Variants in BRD1 observed in about 807,000 individuals in gnomAD.
BRD1 encodes the protein bromodomain-containing protein 1.
Under a neutral mutation model 107.7 loss-of-function variants are expected in BRD1, and 24 were observed. That is an observed-to-expected ratio of 0.22 (90% confidence interval 0.16 to 0.31). The LOEUF (loss-of-function observed/expected upper bound fraction) is 0.31. Ranked by LOEUF, BRD1 falls within the 10% of genes least tolerant of loss-of-function variation. BRD1 has a pLI of 1.00. For synonymous variants in BRD1, 744 were observed against 686.1 expected (o/e 1.08, Z -1.32); for missense variants, 1,279 against 1,638.6 (o/e 0.78, Z 3.79).
Position 49,797,974 on chromosome 22 carries a change from G to T in BRD1, c.1929C>A (p.Ala643=). The change falls in exon 6 of 13, where the codon GCC becomes GCA. Residue 643 remains alanine, a synonymous_variant. Transcript: ENST00000404760. ...LIIDNCMKYN[A]RDTVFYRAAV... Reference sequence around the variant, plus strand: ...CGGCTCTATAGAACACGGTGTCCCTGGCATTGTACTTCATGCAGTTATCTA... The same window carrying T: ...CGGCTCTATAGAACACGGTGTCCCTTGCATTGTACTTCATGCAGTTATCTA... 1.2e-6 allele frequency: 2 copies of T among 1,614,186 alleles called. No homozygotes were observed. The highest frequency in any genetic ancestry group is 1.7e-6 in the Non-Finnish European group (2 of 1,180,030).
intron 2 of BRD1, among the ~76,000 whole-genome samples, chr22:49,804,678 G>A (rs568596788): frequency 2.0e-4 from 31 of 152,124 alleles, no homozygotes; most frequent in Non-Finnish European, 3.2e-4. Flanking sequence ...GTGAAACCCC[G>A]TCTCTACCAA....
chr22:49,811,088 CA>C (rs2059840782), intron 2 of BRD1, among the ~76,000 whole-genome samples: 1 of 152,104 alleles, frequency 6.6e-6, no homozygotes, highest in African/African-American at 2.4e-5. Context: ...CACACCGACC[CA>C]GGGGGCACGA....
intron 7 of BRD1, among the ~76,000 whole-genome samples, chr22:49,789,039 C>T (rs1601638045): frequency 6.6e-6 from 1 of 152,198 alleles, no homozygotes; most frequent in African/African-American, 2.4e-5. Context: ...GCCATGACGC[C>T]GGGCAGCAGT....
At chr22:49,813,571 G>A (rs1013753694) in intron 2 of BRD1, among the ~76,000 whole-genome samples, 1 of 149,952 alleles carries the variant, frequency 6.7e-6, no homozygotes, top group Non-Finnish European at 1.5e-5. Flanking sequence ...AATGGCTCAT[G>A]CCTATAATCC....
intron 2 of BRD1, chr22:49,806,950 A>G (rs1043616060): frequency 6.6e-6 from 1 of 151,708 alleles, no homozygotes; most frequent in African/African-American, 2.4e-5. Context: ...ATGAGCCAAG[A>G]TCGCACCATT....
intron 1 of BRD1, among the ~76,000 whole-genome samples, chr22:49,827,132 G>C (rs1367933906): frequency 6.6e-6 from 1 of 151,394 alleles, no homozygotes; most frequent in Non-Finnish European, 1.5e-5. Context: ...GCGGCTGCCC[G>C]AGGCCCGACC....
chr22:49,793,378 G>T (rs766853043), intron 7 of BRD1, among the ~76,000 whole-genome samples: 1 of 152,096 alleles, frequency 6.6e-6, no homozygotes, highest in Non-Finnish European at 1.5e-5. Flanking sequence ...CTAGATAGGC[G>T]GATTTCTTCT....
intron 7 of BRD1, among the ~76,000 whole-genome samples, chr22:49,793,748 T>C (rs892396028): frequency 1.8e-4 from 27 of 152,246 alleles, no homozygotes; most frequent in African/African-American, 6.3e-4. Flanking sequence ...TCAAATAGTT[T>C]CTCAGGCCCA....
intron 6 of BRD1, among the ~76,000 whole-genome samples, chr22:49,795,921 T>G (rs1344464840): frequency 6.6e-6 from 1 of 152,174 alleles, no homozygotes; most frequent in Non-Finnish European, 1.5e-5. Context: ...GCTGGTCTGA[T>G]CAGCCTGGAG....
intron 2 of BRD1, among the ~76,000 whole-genome samples, chr22:49,815,548 G>T (rs1197286556): frequency 8.2e-6 from 1 of 121,976 alleles, no homozygotes; most frequent in Non-Finnish European, 1.5e-5. Context: ...ATCTCAAAAA[G>T]AAGAAAAAAA....
At chr22:49,800,839 G>A (rs1462244995) in intron 3 of BRD1, among the ~76,000 whole-genome samples, 1 of 152,260 alleles carries the variant, frequency 6.6e-6, no homozygotes, top group Non-Finnish European at 1.5e-5. Context: ...CCCCACTGCC[G>A]GGAAGAAGCT....
intron 6 of BRD1, among the ~76,000 whole-genome samples, chr22:49,795,946 G>C (rs1392746357): frequency 6.6e-6 from 1 of 152,236 alleles, no homozygotes; most frequent in Non-Finnish European, 1.5e-5. Flanking sequence ...CAGCTTCAGA[G>C]AGGGGTTAAA....
chr22:49,811,384 G>T (rs778388281), intron 2 of BRD1, among the ~76,000 whole-genome samples: 1 of 152,118 alleles, frequency 6.6e-6, no homozygotes, highest in Non-Finnish European at 1.5e-5. Flanking sequence ...CACTTCACAT[G>T]GGTAAATTTC....
chr22:49,786,471 G>A (rs940502196), intron 8 of BRD1, among the ~76,000 whole-genome samples: 1 of 152,226 alleles, frequency 6.6e-6, no homozygotes. Flanking sequence ...TTACAAAAGC[G>A]CAGCAAGAGA....
chr22:49,777,530 A>G (rs1248986706), intron 9 of BRD1, 148 bp downstream of exon 9: 2 of 1,109,590 alleles, frequency 1.8e-6, no homozygotes, highest in African/African-American at 1.6e-5. Flanking sequence ...GAAACTGTCC[A>G]CAAGGGCAGA....
At chr22:49,779,673 T>C (rs1382710092) in intron 8 of BRD1, among the ~76,000 whole-genome samples, 1 of 151,980 alleles carries the variant, frequency 6.6e-6, no homozygotes, top group Non-Finnish European at 1.5e-5. Flanking sequence ...CCCATACTCA[T>C]CACAGAGTGG....
chr22:49,819,218 C>T (rs537481432), intron 2 of BRD1, among the ~76,000 whole-genome samples: 1 of 152,122 alleles, frequency 6.6e-6, no homozygotes, highest in Non-Finnish European at 1.5e-5. Context: ...CGAGATTATG[C>T]CATTGCACTC....
chr22:49,787,414 ACTC>A lies in BRD1; in HGVS notation c.2830_2832del (p.Glu944del), dbSNP rs2059351293. 6.3e-6 allele frequency: 10 copies of A among 1,578,634 alleles called. No individual in the cohort carries two copies. Among genetic ancestry groups the A allele is most frequent in the South Asian group, 1.1e-5 (1 of 90,606 alleles). ...CCTGCGTCCAGGCGCTTTCCTGGGG[ACTC>A]CTCCTCCACCTCGGAGTCTCCGCAT... On this transcript the variant is annotated inframe_deletion, in exon 8 of 13. Transcript: ENST00000404760.
chr22:49,824,856 C>A lies in BRD1; in HGVS notation c.-14-525G>T. ...CCCACTACTCCCAGGAGAGCACTCCCATGAGCCCAGAGTCACCACAGTCCT... is the reference window on the plus strand; with the variant it reads ...CCCACTACTCCCAGGAGAGCACTCCAATGAGCCCAGAGTCACCACAGTCCT... On this transcript the variant is annotated intron_variant, in intron 1 of 12. Transcript: ENST00000404760. The surrounding 1 kb of genome is among the most constrained non-coding windows in gnomAD (Gnocchi z 5.9). 2 of 998,748 alleles carry A rather than the reference C, an allele frequency of 2.0e-6. 1 individual carries two copies. 61.9% of individuals were successfully genotyped at this position (998,748 alleles called of 1,614,324 possible).
Sources: gnomAD v4.1 joint callset for allele counts (sites outside exome capture counted in the v4.1 genomes callset) on GRCh38, gnomAD v4.1.1 for gene constraint, Gnocchi (gnomAD v3.1) non-coding constraint, MANE v1.5 for transcripts, NCBI Gene and HGNC (gene_info 2026-07-23, HGNC 2026-07-21) for gene names.